Variants in TAF1B observed in about 807,000 individuals in gnomAD.
TAF1B encodes TATA box-binding protein-associated factor RNA polymerase I subunit B.
TAF1B carries 61 observed loss-of-function variants against 83.9 expected under a neutral mutation model. That is an observed-to-expected ratio of 0.73 (90% CI 0.59 to 0.90). TAF1B has a LOEUF of 0.90. Ranked by LOEUF, TAF1B falls within the 40% of genes least tolerant of loss-of-function variation. TAF1B has a pLI of 0.00. For synonymous variants in TAF1B, 221 were observed against 224.6 expected, an observed-to-expected ratio of 0.98 and a Z score of 0.14; for missense variants, 625 against 677.0, an observed-to-expected ratio of 0.92 and a Z score of 0.85.
At chr2:9,903,213 G>A (rs1282042938) in intron 8 of TAF1B, among the ~76,000 whole-genome samples, 1 of 152,100 alleles carries the variant, frequency 6.6e-6, no homozygotes, top group East Asian at 1.9e-4. Context: ...AGCCTCCCAA[G>A]TAGCTGGGAC....
At chr2:9,931,572 C>T (rs992344084) in intron 14 of TAF1B, among the ~76,000 whole-genome samples, 1 of 152,122 alleles carries the variant, frequency 6.6e-6, no homozygotes, top group African/African-American at 2.4e-5. Context: ...TGTGGGTAAC[C>T]GACCTTTCTC....
intron 8 of TAF1B, among the ~76,000 whole-genome samples, chr2:9,884,369 G>A (rs993530401): frequency 3.3e-5 from 5 of 152,228 alleles, no homozygotes; most frequent in African/African-American, 1.2e-4. Flanking sequence ...CGAGCAAGGG[G>A]CATGTTTCAG....
chr2:9,900,009 T>C (rs1359581756), intron 8 of TAF1B, among the ~76,000 whole-genome samples: 1 of 152,198 alleles, frequency 6.6e-6, no homozygotes, highest in Non-Finnish European at 1.5e-5. Context: ...AATGATGGAT[T>C]CATAAAGAAG....
rs77048206 is a variant in TAF1B, at chr2:9,894,853, A to G, written c.808-10006A>G. On this transcript the variant is annotated intron_variant, in intron 8 of 14. Coordinates refer to ENST00000263663, the MANE Select transcript of TAF1B (RefSeq NM_005680.3). ...AATAGAAATTATTTTGAGATTATCT[A>G]GTCTTCTCGATACCATCTTTTAAAC... is the stretch of plus-strand genomic sequence containing the variant. 6.0e-3 allele frequency among the ~76,000 whole-genome samples: 909 copies of G among 152,306 alleles called. 8 individuals are homozygous for G. Among genetic ancestry groups the G allele is most frequent in the African/African-American group, 0.02 (851 of 41,542 alleles).
chr2:9,876,908 A>ATAG (rs1260962971), intron 7 of TAF1B, among the ~76,000 whole-genome samples: 5 of 152,180 alleles, frequency 3.3e-5, no homozygotes, highest in African/African-American at 4.8e-5. Context: ...AGTGCTAGTC[A>ATAG]TTACTGTTTT....
rs1428729352 is a variant in TAF1B, at chr2:9,919,781, A to G, written c.1526A>G (p.Asn509Ser). Residue 509 changes from asparagine to serine, a missense_variant, in exon 14 of 15, where the codon AAT becomes AGT. By Grantham distance (46) the Asn-to-Ser change is conservative. Coordinates refer to ENST00000263663, the MANE Select transcript of TAF1B (RefSeq NM_005680.3). Reference protein sequence around the residue: ...KEKGQSLLTKNSLYWLSTQKF... With the variant: ...KEKGQSLLTKSSLYWLSTQKF... Reference sequence around the variant, plus strand: ...AAAGGCCAATCACTGCTGACTAAGAATTCATTATATTGGCTTAGTACACAG... The same window carrying G: ...AAAGGCCAATCACTGCTGACTAAGAGTTCATTATATTGGCTTAGTACACAG... The G allele has an allele frequency of 1.2e-6, 2 of 1,614,070 alleles. No individual in the cohort carries two copies. The highest frequency in any genetic ancestry group is 1.7e-6 in the Non-Finnish European group (2 of 1,180,028).
chr2:9,860,014 A>C (rs991894614), intron 5 of TAF1B, among the ~76,000 whole-genome samples: 1 of 152,252 alleles, frequency 6.6e-6, no homozygotes, highest in African/African-American at 2.4e-5. Flanking sequence ...AAGGTGAAGC[A>C]AGGCATGTCT....
chr2:9,848,952 A>G (rs1172222715), intron 2 of TAF1B, among the ~76,000 whole-genome samples: 1 of 152,238 alleles, frequency 6.6e-6, no homozygotes, highest in Non-Finnish European at 1.5e-5. Flanking sequence ...ATTCAAAGAC[A>G]TGGAAAAGTA....
At chr2:9,892,771 T>TTTTG (rs1437254699) in intron 8 of TAF1B, among the ~76,000 whole-genome samples, 3 of 152,154 alleles carry the variant, frequency 2.0e-5, no homozygotes, top group Non-Finnish European at 4.4e-5. Flanking sequence ...TTTTTTTGGA[T>TTTTG]ATTATCCAGC....
At chr2:9,848,648 G>A (rs1001902274) in intron 2 of TAF1B, among the ~76,000 whole-genome samples, 3 of 149,902 alleles carry the variant, frequency 2.0e-5, no homozygotes, top group Non-Finnish European at 1.5e-5. Context: ...CCTGGGCGAC[G>A]AGAGCGAAAC....
At chr2:9,897,231 T>C (rs1558255878) in intron 8 of TAF1B, among the ~76,000 whole-genome samples, 1 of 152,246 alleles carries the variant, frequency 6.6e-6, no homozygotes, top group East Asian at 1.9e-4. Context: ...TATACTTGTC[T>C]GTATTAGATA....
At chr2:9,891,046 AC>A (rs773702690) in intron 8 of TAF1B, among the ~76,000 whole-genome samples, 1 of 152,252 alleles carries the variant, frequency 6.6e-6, no homozygotes, top group Non-Finnish European at 1.5e-5. Flanking sequence ...TGCTGGGATT[AC>A]AGGCATGAGC....
chr2:9,907,846 G>A (rs186562327), intron 9 of TAF1B, among the ~76,000 whole-genome samples: 1 of 151,892 alleles, frequency 6.6e-6, no homozygotes, highest in African/African-American at 2.4e-5. Context: ...ACACTCAGCT[G>A]GTAGATGGCA....
intron 2 of TAF1B, among the ~76,000 whole-genome samples, chr2:9,846,959 C>A (rs1415457969): frequency 6.6e-6 from 1 of 152,142 alleles, no homozygotes; most frequent in Non-Finnish European, 1.5e-5. Flanking sequence ...TACTATAGTG[C>A]AGGTGTAAAC....
rs937693455 is a variant in TAF1B at position 9,920,080 on chromosome 2, G to C, written c.1565+260G>C. Among the ~76,000 whole-genome samples, 4 of 152,300 alleles carry C rather than the reference G, an allele frequency of 2.6e-5. No individual in the cohort carries two copies. The East Asian group carries it at 5.8e-4, about 22-fold the overall frequency. The stretch of plus-strand genomic sequence containing the variant: ...AGCAATAGAAGTGGCTGTAAATGCT[G>C]ATCAGGAGAATGTGCTGTATTTTTT... On this transcript the variant is annotated intron_variant, in intron 14 of 14. Coordinates refer to ENST00000263663, the MANE Select transcript of TAF1B (RefSeq NM_005680.3).
At chr2:9,862,714 A>G (rs969186883) in intron 5 of TAF1B, among the ~76,000 whole-genome samples, 16 of 152,224 alleles carry the variant, frequency 1.1e-4, no homozygotes, top group African/African-American at 3.9e-4. Context: ...GTTACCCACA[A>G]AGGGAAGCCC....
intron 3 of TAF1B, 55 bp downstream of exon 3, chr2:9,849,515 A>G: frequency 2.3e-6 from 3 of 1,301,608 alleles, no homozygotes; most frequent in Non-Finnish European, 3.1e-6. Flanking sequence ...TTTCACCTTC[A>G]TGATGTCAGG....
intron 7 of TAF1B, among the ~76,000 whole-genome samples, chr2:9,878,961 G>A (rs1168275865): frequency 6.6e-6 from 1 of 152,118 alleles, no homozygotes; most frequent in Non-Finnish European, 1.5e-5. Context: ...TTGGTTATTC[G>A]GGAAGGCCTC....
intron 8 of TAF1B, among the ~76,000 whole-genome samples, chr2:9,884,289 G>A (rs1436371618): frequency 2.0e-5 from 3 of 152,204 alleles, no homozygotes; most frequent in Non-Finnish European, 2.9e-5. Context: ...GCCCTGGCTC[G>A]AGGAGCTCCC....
Sources: allele counts gnomAD v4.1 joint callset (sites outside exome capture counted in the v4.1 genomes callset), GRCh38; gene constraint gnomAD v4.1.1; transcripts MANE v1.5; gene names NCBI Gene and HGNC (gene_info 2026-07-23, HGNC 2026-07-21).